Variants in PLCB4 observed in about 807,000 individuals in gnomAD.
PLCB4 encodes 1-phosphatidylinositol 4,5-bisphosphate phosphodiesterase beta-4.
PLCB4 carries 77 observed loss-of-function variants against 178.8 expected under a neutral mutation model. That is an observed-to-expected ratio of 0.43 (90% CI 0.36 to 0.52). The LOEUF is 0.52. Among genes scored for constraint, PLCB4 ranks in the 20% least tolerant of loss-of-function variants. PLCB4 has a pLI of 0.00. For synonymous variants in PLCB4, 496 were observed against 490.8 expected (o/e 1.01, Z -0.14); for missense variants, 1,024 against 1,453.4 (o/e 0.70, Z 4.80).
chr20:9,101,569 G>T (rs2091153201), intron 2 of PLCB4, among the ~76,000 whole-genome samples: 1 of 152,098 alleles, frequency 6.6e-6, no homozygotes, highest in Admixed American at 6.6e-5. Flanking sequence ...TTTATTCATT[G>T]CAGAGGCTGA....
At chr20:9,330,454 G>A (rs180870232) in intron 4 of PLCB4, among the ~76,000 whole-genome samples, 36 of 152,254 alleles carry the variant, frequency 2.4e-4, no homozygotes, top group Non-Finnish European at 4.7e-4. Flanking sequence ...TTTATTGACC[G>A]TCCAACAATC....
intron 9 of PLCB4, among the ~76,000 whole-genome samples, chr20:9,369,581 C>T (rs994542614): frequency 2.0e-5 from 3 of 152,162 alleles, no homozygotes; most frequent in African/African-American, 7.2e-5. Context: ...AATTCACAGG[C>T]CTCCTTATAT....
At chr20:9,401,663 A>G (rs1263856966) in intron 20 of PLCB4, 73 bp downstream of exon 20, 3 of 965,880 alleles carry the variant, frequency 3.1e-6, no homozygotes, top group Non-Finnish European at 4.9e-6. Flanking sequence ...AAATGTGAGA[A>G]CCACAAGAGA....
Position 9,109,230 on chromosome 20 carries a change from T to C in PLCB4, c.-79+12888T>C, listed in dbSNP as rs182699059. On this transcript the variant is annotated intron_variant, in intron 2 of 39. Coordinates refer to ENST00000378473, the MANE Select transcript of PLCB4 (RefSeq NM_001377142.1). Reference sequence around the variant, plus strand: ...GGCTATAAGAGTACCAGAATTGTGCTGGAGTTTCAGTTTCTTCTTTAGGCA... The same window carrying C: ...GGCTATAAGAGTACCAGAATTGTGCCGGAGTTTCAGTTTCTTCTTTAGGCA... Among the ~76,000 whole-genome samples the C allele has an allele frequency of 2.0e-3, 305 of 152,292 alleles. 3 individuals carry two copies. The highest frequency in any genetic ancestry group is 6.8e-3 in the African/African-American group (281 of 41,580).
chr20:9,373,604 A>G (rs2036430765), intron 12 of PLCB4, among the ~76,000 whole-genome samples: 1 of 152,168 alleles, frequency 6.6e-6, no homozygotes, highest in Non-Finnish European at 1.5e-5. Context: ...TATTTTGACA[A>G]CAAGCAAAAC....
chr20:9,175,249 AC>A (rs1245281052), intron 2 of PLCB4, among the ~76,000 whole-genome samples: 4 of 152,156 alleles, frequency 2.6e-5, no homozygotes, highest in African/African-American at 9.7e-5. Flanking sequence ...AGTTTAAGAA[AC>A]ATCAGTGTTT....
chr20:9,408,128 T>C lies in PLCB4; in HGVS notation c.1789+70T>C, dbSNP rs113356920. 473 of 1,317,096 alleles carry C rather than the reference T, an allele frequency of 3.6e-4. 5 individuals are homozygous for C. The African/African-American group carries it at 4.7e-3, about 13-fold the overall frequency. The allele number at this position is 1,317,096 out of a possible 1,614,324, so 81.6% of individuals were successfully genotyped here. The stretch of plus-strand genomic sequence containing the variant: ...CTTTTATGGTGCTGATGAGCTTTTA[T>C]CTAATTTGTTGCCATTTTTCTTTGT... On this transcript the variant is annotated intron_variant, in intron 22 of 39. Transcript: ENST00000378473.
intron 20 of PLCB4, 62 bp from the exon 21 acceptor site, chr20:9,405,251 C>A: frequency 1.2e-6 from 1 of 804,582 alleles, no homozygotes; most frequent in Non-Finnish European, 2.1e-6. Flanking sequence ...GTATGTATGG[C>A]TAATAAATTT....
In PLCB4 at chr20:9,408,020, C is replaced by G; in HGVS notation, c.1751C>G (p.Ala584Gly). Residue 584 changes from alanine (A) to glycine (G), a missense_variant, in exon 22 of 40, where the codon GCC (alanine) becomes GGC (glycine). Around this residue, in one of 7 missense-constraint regions of PLCB4, gnomAD observed 263 missense variants for 417.4 expected, o/e 0.63. Coordinates refer to ENST00000378473, the MANE Select transcript of PLCB4 (RefSeq NM_001377142.1). ...TATTTGTCCACAATGATCAACTACG[C>G]CCAGCCTGTAAAGTTTCAAGGTTTC... is the stretch of plus-strand genomic sequence containing the variant. ...HPYLSTMINYAQPVKFQGFHV... is the reference protein window; with the variant it reads ...HPYLSTMINYGQPVKFQGFHV... The G allele has an allele frequency of 6.2e-7, 1 of 1,613,572 alleles. No homozygotes were observed. Among genetic ancestry groups the G allele is most frequent in the Non-Finnish European group, 8.5e-7 (1 of 1,179,556 alleles).
At chr20:9,215,322 A>G (rs998122754) in intron 2 of PLCB4, among the ~76,000 whole-genome samples, 1 of 152,224 alleles carries the variant, frequency 6.6e-6, no homozygotes, top group Non-Finnish European at 1.5e-5. Context: ...GGTAAATGTC[A>G]TGGAAGAAGT....
chr20:9,141,015 C>T (rs1281875905), intron 2 of PLCB4, among the ~76,000 whole-genome samples: 1 of 152,070 alleles, frequency 6.6e-6, no homozygotes. Flanking sequence ...TTGGTGATAC[C>T]ATGTGAATCA....
chr20:9,389,176 A>C (rs1202254394), intron 15 of PLCB4, among the ~76,000 whole-genome samples: 1 of 152,164 alleles, frequency 6.6e-6, no homozygotes, highest in Admixed American at 6.5e-5. Flanking sequence ...TTTCATGGAG[A>C]ATAGTGAAAG....
chr20:9,447,413 G>A (rs958464697), intron 32 of PLCB4, among the ~76,000 whole-genome samples: 2 of 152,110 alleles, frequency 1.3e-5, no homozygotes, highest in African/African-American at 4.8e-5. Context: ...TGCTTTATGT[G>A]GTCTCCTGTC....
intron 33 of PLCB4, among the ~76,000 whole-genome samples, chr20:9,454,507 C>T (rs2042947454): frequency 1.3e-5 from 2 of 152,178 alleles, no homozygotes; most frequent in African/African-American, 2.4e-5. Context: ...TTTTCCACAA[C>T]CTTTGGCACA....
At chr20:9,469,345 C>T (rs1291101604) in intron 36 of PLCB4, among the ~76,000 whole-genome samples, 1 of 152,184 alleles carries the variant, frequency 6.6e-6, no homozygotes, top group Non-Finnish European at 1.5e-5. Flanking sequence ...AAGCCTCTCC[C>T]CTGCTCAGGT....
chr20:9,105,112 T>C (rs2146654029), intron 2 of PLCB4, among the ~76,000 whole-genome samples: 1 of 152,234 alleles, frequency 6.6e-6, no homozygotes, highest in South Asian at 2.1e-4. Flanking sequence ...TAAAAAGCTA[T>C]TAGAAGTACT....
At chr20:9,246,477 A>C (rs772479910) in intron 3 of PLCB4, among the ~76,000 whole-genome samples, 2 of 152,232 alleles carry the variant, frequency 1.3e-5, no homozygotes, top group African/African-American at 2.4e-5. Flanking sequence ...AAAAACTTTC[A>C]AAGTTTGCTT....
intron 36 of PLCB4, among the ~76,000 whole-genome samples, chr20:9,470,468 C>G (rs1195798785): frequency 6.6e-6 from 1 of 152,098 alleles, no homozygotes; most frequent in Non-Finnish European, 1.5e-5. Context: ...ATGATAAAAC[C>G]TCATGAATTT....
At chr20:9,368,215 C>T (rs1245882838) in intron 9 of PLCB4, among the ~76,000 whole-genome samples, 1 of 152,088 alleles carries the variant, frequency 6.6e-6, no homozygotes, top group African/African-American at 2.4e-5. Context: ...AGCATTAAAC[C>T]AAAATTTAAT....
Sources: allele counts gnomAD v4.1 joint callset (sites outside exome capture counted in the v4.1 genomes callset), GRCh38; gene constraint gnomAD v4.1.1; regional missense constraint gnomAD v4.1.1; transcripts MANE v1.5; gene names NCBI Gene and HGNC (gene_info 2026-07-23, HGNC 2026-07-21).